Variants in HAO2 observed in about 807,000 individuals in gnomAD.
HAO2 encodes hydroxyacid oxidase 2.
Under a neutral mutation model 37.4 loss-of-function variants are expected in HAO2, and 42 were observed. The ratio of observed to expected loss-of-function variants is 1.12; its 90% CI spans 0.88 to 1.45. The LOEUF is 1.45. Among genes scored for constraint, HAO2 ranks in the 40% most tolerant of loss-of-function variants. The probability of loss-of-function intolerance (pLI) is 0.00; values close to 1 mark genes in which losing one functional copy is unlikely to be tolerated. For synonymous variants in HAO2, 180 were observed against 162.8 expected, an observed-to-expected ratio of 1.11 and a Z score of -0.81; for missense variants, 476 against 430.2, an observed-to-expected ratio of 1.11 and a Z score of -0.94.
At chr1:119,372,566 G>A (rs1458660148) in intron 1 of HAO2, among the ~76,000 whole-genome samples, 2 of 152,236 alleles carry the variant, frequency 1.3e-5, no homozygotes, top group African/African-American at 4.8e-5. Flanking sequence ...AAAGGAGGAA[G>A]AGGCACATCT....
intron 5 of HAO2, among the ~76,000 whole-genome samples, chr1:119,390,260 A>AT (rs57895803): frequency 0.074 from 11,180 of 151,498 alleles, 593 homozygotes; most frequent in East Asian, 0.19. Flanking sequence ...ATTTGGATTT[A>AT]TTTTTTTTTA....
chr1:119,384,955 A>G lies in HAO2; in HGVS notation c.463A>G (p.Ile155Val), dbSNP rs748617590. Residue 155 changes from isoleucine (I) to valine (V), a missense_variant, in exon 4 of 8, where the codon ATA becomes GTA. Coordinates refer to ENST00000325945, the MANE Select transcript of HAO2 (RefSeq NM_016527.4). The part of the protein sequence containing the change: ...VESLGFKALV[I>V]TLDTPVCGNR... ...ATCCCTAGGTTTCAAAGCTTTGGTAATAACTTTGGATACACCTGTATGTGG... is the reference window on the plus strand; with the variant it reads ...ATCCCTAGGTTTCAAAGCTTTGGTAGTAACTTTGGATACACCTGTATGTGG... The G allele has an allele frequency of 3.7e-6, 6 of 1,613,788 alleles. No homozygotes were observed. The African/African-American group carries it at 8.0e-5, about 22-fold the overall frequency.
intron 7 of HAO2, among the ~76,000 whole-genome samples, chr1:119,393,045 A>G (rs1651037059): frequency 6.6e-6 from 1 of 152,044 alleles, no homozygotes; most frequent in Non-Finnish European, 1.5e-5. Context: ...TTAGGAAAAG[A>G]CCCTCTCATT....
At chr1:119,389,169 C>CGTATATATATGTGTAT (rs1557855925) in intron 5 of HAO2, among the ~76,000 whole-genome samples, 1 of 14,546 alleles carries the variant, frequency 6.9e-5, no homozygotes, top group African/African-American at 2.0e-4. Context: ...TATATATATA[C>CGTATATATATGTGTAT]ACCACAGTTT....
At chr1:119,369,570 T>C (rs587667176) in intron 1 of HAO2, among the ~76,000 whole-genome samples, 1 of 152,344 alleles carries the variant, frequency 6.6e-6, no homozygotes, top group South Asian at 2.1e-4. Context: ...CAAACTTTTA[T>C]TCTTAACTAC....
In HAO2 at chr1:119,381,163, A is replaced by G. The variant is rs1649905076; in HGVS notation, c.78A>G (p.Glu26=). 2 of 1,609,928 alleles carry G rather than the reference A, an allele frequency of 1.2e-6. No individual in the cohort carries two copies. The highest frequency in any genetic ancestry group is 1.7e-6 in the Non-Finnish European group (2 of 1,176,262). The change falls in exon 2 of 8, where the codon GAA becomes GAG. Residue 26 remains glutamate, a synonymous_variant. Transcript: ENST00000325945. ...CTAAGTCAACTCGGGATTTTATTGA[A>G]GGTGGAGCAGATGACAGCATCACGC... is the stretch of plus-strand genomic sequence containing the variant. ...QLSKSTRDFI[E]GGADDSITRD...
At chr1:119,387,653 GT>G (rs1189321331) in intron 5 of HAO2, among the ~76,000 whole-genome samples, 2 of 151,948 alleles carry the variant, frequency 1.3e-5, no homozygotes, top group African/African-American at 2.4e-5. Flanking sequence ...ATAATATTGT[GT>G]TTTTTTCTTT....
intron 5 of HAO2, 129 bp downstream of exon 5, chr1:119,386,960 G>A (rs1471284920): frequency 1.5e-6 from 1 of 654,058 alleles, no homozygotes; most frequent in African/African-American, 1.8e-5. Context: ...GTGTTGGTAT[G>A]TATCTGTGAA....
chr1:119,386,207 G>GTTGT (rs149142016), intron 4 of HAO2, among the ~76,000 whole-genome samples: 66 of 152,066 alleles, frequency 4.3e-4, no homozygotes, highest in Non-Finnish European at 6.2e-4. Context: ...TGTTTTCTTT[G>GTTGT]TTGTTTGTTT....
intron 2 of HAO2, 117 bp downstream of exon 2, chr1:119,381,333 A>C: frequency 1.3e-6 from 1 of 750,104 alleles, no homozygotes; most frequent in South Asian, 1.7e-5. Flanking sequence ...AAGACCTAAT[A>C]ATGTGGATGA....
In HAO2 at chr1:119,393,894, C is replaced by T; in HGVS notation, c.*54C>T. 6.2e-7 allele frequency: 1 copy of T among 1,611,466 alleles called. No individual in the cohort carries two copies. Among genetic ancestry groups the T allele is most frequent in the Non-Finnish European group, 8.5e-7 (1 of 1,178,108 alleles). On this transcript the variant is annotated 3_prime_UTR_variant, in exon 8 of 8. Coordinates refer to ENST00000325945, the MANE Select transcript of HAO2 (RefSeq NM_016527.4). Reference sequence around the variant, plus strand: ...AGGTTGCCCACAGGAGGATCACAAACTCACAGCACAGTGTGTGATGCTGTC... The same window carrying T: ...AGGTTGCCCACAGGAGGATCACAAATTCACAGCACAGTGTGTGATGCTGTC...
chr1:119,392,619 G>A lies in HAO2; in HGVS notation c.932G>A (p.Gly311Asp). The A allele has an allele frequency of 6.2e-7, 1 of 1,602,176 alleles. No individual in the cohort carries two copies. The highest frequency in any genetic ancestry group is 8.6e-7 in the Non-Finnish European group (1 of 1,169,316). ...TCTGTCTGTCTGCCTCGGGAGCAGG[G>A]TGAACATGGTGTTAAGGAAGTTTTG... ...RPILWGLACKGEHGVKEVLNI... is the reference protein window; with the variant it reads ...RPILWGLACKDEHGVKEVLNI... Residue 311 changes from glycine to aspartate, a missense_variant and splice_region_variant, in exon 7 of 8, where the codon GGT becomes GAT. Coordinates refer to ENST00000325945, the MANE Select transcript of HAO2 (RefSeq NM_016527.4).
At chr1:119,390,226 T>A (rs1436479459) in intron 5 of HAO2, among the ~76,000 whole-genome samples, 1 of 152,088 alleles carries the variant, frequency 6.6e-6, no homozygotes, top group Non-Finnish European at 1.5e-5. Context: ...ATAAAAGACA[T>A]TTTTATAGTC....
intron 1 of HAO2, among the ~76,000 whole-genome samples, chr1:119,379,555 C>T (rs774292119): frequency 4.6e-5 from 7 of 152,106 alleles, no homozygotes; most frequent in Non-Finnish European, 1.0e-4. Flanking sequence ...GTTTATTAAC[C>T]CTTTGAAGGG....
chr1:119,374,694 T>C (rs901798503), intron 1 of HAO2, among the ~76,000 whole-genome samples: 7 of 151,990 alleles, frequency 4.6e-5, no homozygotes, highest in Non-Finnish European at 1.0e-4. Flanking sequence ...GTGTAGGGGG[T>C]TTCCATACAA....
chr1:119,371,170 A>G (rs140073816), intron 1 of HAO2, among the ~76,000 whole-genome samples: 2 of 152,314 alleles, frequency 1.3e-5, no homozygotes, highest in East Asian at 3.9e-4. Flanking sequence ...GTAACACTCC[A>G]TACTGGCTCA....
intron 1 of HAO2, among the ~76,000 whole-genome samples, chr1:119,369,815 T>C (rs1472482460): frequency 1.3e-5 from 2 of 152,134 alleles, no homozygotes; most frequent in South Asian, 2.1e-4. Context: ...TATCAAATGA[T>C]GAGCTATGAA....
At chr1:119,393,491 G>T (rs1651075594) in intron 7 of HAO2, among the ~76,000 whole-genome samples, 1 of 152,116 alleles carries the variant, frequency 6.6e-6, no homozygotes. Flanking sequence ...CCAAGATAAA[G>T]ATCAAAGACA....
chr1:119,385,068 A>T lies in HAO2; in HGVS notation c.561+15A>T, dbSNP rs200927089. On this transcript the variant is annotated intron_variant, in intron 4 of 7. Coordinates refer to ENST00000325945, the MANE Select transcript of HAO2 (RefSeq NM_016527.4). ...CACCTAAAAAGGTAAGAAAGATACC[A>T]AATTCGATGGACAGGCATTACAAGA... The T allele has an allele frequency of 2.7e-5, 43 of 1,599,526 alleles. No individual in the cohort carries two copies. Among genetic ancestry groups the T allele is most frequent in the Non-Finnish European group, 3.1e-5 (36 of 1,169,634 alleles).
Sources: allele counts gnomAD v4.1 joint callset (sites outside exome capture counted in the v4.1 genomes callset), GRCh38; gene constraint gnomAD v4.1.1; transcripts MANE v1.5; gene names NCBI Gene and HGNC (gene_info 2026-07-23, HGNC 2026-07-21).